PPP1R1C: variants seen among roughly 807,000 people sequenced by gnomAD.
The protein encoded by PPP1R1C is protein phosphatase 1 regulatory subunit 1C.
A neutral mutation model predicts 17.4 loss-of-function variants in PPP1R1C; 15 were observed. The observed-to-expected ratio is 0.86, with a 90% CI of 0.58 to 1.33. PPP1R1C has a LOEUF of 1.33. Ranked by LOEUF, PPP1R1C falls within the 40% of genes most tolerant of loss-of-function variation. The pLI is 0.00. For synonymous variants in PPP1R1C, 35 were observed against 43.1 expected, an observed-to-expected ratio of 0.81 and a Z score of 0.73; for missense variants, 143 against 130.0, an observed-to-expected ratio of 1.10 and a Z score of -0.48.
chr2:182,071,806 T>C (rs1688147676), intron 4 of PPP1R1C, among the ~76,000 whole-genome samples: 1 of 152,244 alleles, frequency 6.6e-6, no homozygotes, highest in Admixed American at 6.5e-5. Flanking sequence ...AAATAGTTCC[T>C]GTTTTGGCCT....
At chr2:182,071,282 T>C (rs550244270) in intron 4 of PPP1R1C, among the ~76,000 whole-genome samples, 2 of 152,336 alleles carry the variant, frequency 1.3e-5, no homozygotes, top group African/African-American at 4.8e-5. Flanking sequence ...TTGTTTGTGA[T>C]GACCTTAAAC....
chr2:182,013,977 A>C (rs548583533), intron 2 of PPP1R1C, among the ~76,000 whole-genome samples: 1 of 152,174 alleles, frequency 6.6e-6, no homozygotes, highest in South Asian at 2.1e-4. Flanking sequence ...GCTCAAAACA[A>C]CTATTTTGAA....
intron 2 of PPP1R1C, among the ~76,000 whole-genome samples, chr2:182,034,521 C>T (rs1276286031): frequency 2.0e-5 from 3 of 152,106 alleles, no homozygotes; most frequent in Non-Finnish European, 4.4e-5. Flanking sequence ...GCAGAAAAAG[C>T]AGCATGACAT....
At chr2:182,028,503 T>TC (rs1215854039) in intron 2 of PPP1R1C, among the ~76,000 whole-genome samples, 2 of 152,218 alleles carry the variant, frequency 1.3e-5, no homozygotes, top group Non-Finnish European at 2.9e-5. Flanking sequence ...TTCTTCAGTT[T>TC]CCATGTAGTT....
chr2:182,032,215 A>G (rs573278867), intron 2 of PPP1R1C, among the ~76,000 whole-genome samples: 3 of 152,202 alleles, frequency 2.0e-5, no homozygotes, highest in Non-Finnish European at 4.4e-5. Context: ...CAATCTAAAG[A>G]AGAGTTAACA....
At chr2:182,015,064 A>C (rs567702396) in intron 2 of PPP1R1C, among the ~76,000 whole-genome samples, 1 of 152,270 alleles carries the variant, frequency 6.6e-6, no homozygotes, top group East Asian at 1.9e-4. Context: ...CTGGTACCCA[A>C]GCTGCAAGAC....
intron 4 of PPP1R1C, among the ~76,000 whole-genome samples, chr2:182,102,720 A>AT (rs1220323433): frequency 3.9e-5 from 6 of 152,022 alleles, no homozygotes; most frequent in Non-Finnish European, 8.8e-5. Flanking sequence ...CACAAAGATG[A>AT]TTTTTTTTGT....
At chr2:182,033,791 G>T (rs531950455) in intron 2 of PPP1R1C, among the ~76,000 whole-genome samples, 28 of 152,180 alleles carry the variant, frequency 1.8e-4, no homozygotes, top group African/African-American at 6.3e-4. Context: ...AAGCTCATTT[G>T]TGTGATATTA....
chr2:182,052,002 CAA>C (rs113640993), intron 2 of PPP1R1C, among the ~76,000 whole-genome samples: 1 of 126,178 alleles, frequency 7.9e-6, no homozygotes. Flanking sequence ...GACTCTGTCT[CAA>C]AAAAAAAAAA....
intron 2 of PPP1R1C, among the ~76,000 whole-genome samples, chr2:182,014,595 C>A (rs769376555): frequency 3.3e-5 from 5 of 151,366 alleles, no homozygotes; most frequent in Non-Finnish European, 7.4e-5. Context: ...CAGTAAGTGG[C>A]GAATCCAGCC....
At chr2:181,978,496 G>A (rs1685137717) in intron 2 of PPP1R1C, among the ~76,000 whole-genome samples, 1 of 152,212 alleles carries the variant, frequency 6.6e-6, no homozygotes, top group Non-Finnish European at 1.5e-5. Context: ...TCGCATGGCT[G>A]ACACCTGGGC....
intron 2 of PPP1R1C, among the ~76,000 whole-genome samples, chr2:182,055,655 G>C (rs1050921705): frequency 6.6e-6 from 1 of 152,148 alleles, no homozygotes; most frequent in Non-Finnish European, 1.5e-5. Flanking sequence ...GAATTCTACA[G>C]TTGATAGTTC....
intron 2 of PPP1R1C, among the ~76,000 whole-genome samples, chr2:181,997,587 G>C (rs895983940): frequency 6.6e-6 from 1 of 152,168 alleles, no homozygotes; most frequent in Admixed American, 6.5e-5. Context: ...ATGGATTCAA[G>C]TAATGAGATT....
chr2:182,039,061 T>C (rs1288403861), intron 2 of PPP1R1C, among the ~76,000 whole-genome samples: 1 of 152,216 alleles, frequency 6.6e-6, no homozygotes, highest in Admixed American at 6.5e-5. Flanking sequence ...GTTCTTTATG[T>C]TCTTCCACAC....
chr2:181,995,234 ATGT>A (rs1685580253), intron 2 of PPP1R1C, among the ~76,000 whole-genome samples: 1 of 152,212 alleles, frequency 6.6e-6, no homozygotes, highest in Non-Finnish European at 1.5e-5. Flanking sequence ...TTAGATTAAA[ATGT>A]TGTACAGTAC....
chr2:182,011,195 G>A (rs930962078), intron 2 of PPP1R1C, among the ~76,000 whole-genome samples: 1 of 151,980 alleles, frequency 6.6e-6, no homozygotes, highest in East Asian at 1.9e-4. Context: ...AGTAGGATCA[G>A]TGTTAGTTCT....
intron 2 of PPP1R1C, among the ~76,000 whole-genome samples, chr2:182,012,739 C>G (rs1686122385): frequency 6.6e-6 from 1 of 151,800 alleles, no homozygotes; most frequent in Non-Finnish European, 1.5e-5. Context: ...TGCATTAATT[C>G]TTGCTTTTTA....
chr2:182,040,322 T>C (rs1298955629), intron 2 of PPP1R1C, among the ~76,000 whole-genome samples: 2 of 152,172 alleles, frequency 1.3e-5, no homozygotes, highest in Non-Finnish European at 2.9e-5. Flanking sequence ...TTTATTGTTT[T>C]TTGACTTTTT....
intron 4 of PPP1R1C, among the ~76,000 whole-genome samples, chr2:182,069,520 G>A (rs1688082860): frequency 6.6e-6 from 1 of 152,028 alleles, no homozygotes. Flanking sequence ...AAGTATGGGT[G>A]AACTTCATCT....
Sources: gnomAD v4.1 joint callset for allele counts (sites outside exome capture counted in the v4.1 genomes callset) on GRCh38, gnomAD v4.1.1 for gene constraint, MANE v1.5 for transcripts, NCBI Gene and HGNC (gene_info 2026-07-23, HGNC 2026-07-21) for gene names.